The following ARHGEF9 variants were observed in gnomAD, a reference collection of about 807,000 sequenced individuals.
ARHGEF9 encodes Cdc42 guanine nucleotide exchange factor 9, also known as rho guanine nucleotide exchange factor 9.
In ARHGEF9, 2 loss-of-function variants were observed where a neutral mutation model predicts 41.3. The observed-to-expected ratio is 0.05, with a 90% confidence interval of 0.02 to 0.15. ARHGEF9 has a LOEUF of 0.15. Among genes scored for constraint, ARHGEF9 ranks in the 10% least tolerant of loss-of-function variants. ARHGEF9 has a pLI of 1.00. For synonymous variants in ARHGEF9, 160 were observed against 154.4 expected (o/e 1.04, Z -0.27); for missense variants, 225 against 424.7 (o/e 0.53, Z 4.13).
intron 4 of ARHGEF9, among the ~76,000 whole-genome samples, chrX:63,683,251 C>A (rs1556371586): frequency 9.1e-6 from 1 of 110,151 alleles, no homozygotes; most frequent in East Asian, 2.8e-4. Context: ...TTTATGATAC[C>A]ATCAAAAAGA....
In ARHGEF9 at chrX:63,635,169, CCCAG is replaced by C; in HGVS notation, c.*2855_*2858del. On this transcript the variant is annotated 3_prime_UTR_variant, in exon 10 of 10. Transcript: ENST00000671741. ...AAGTCACTGTTGCCCATCCATCCAC[CCCAG>C]CCCACCCCATCCCCAAAGCACTAAA... The C allele has an allele frequency of 2.5e-6, 1 of 394,604 alleles. No homozygotes were observed. 32.5% of individuals were successfully genotyped at this position (394,604 alleles called of 1,213,427 possible). A position where few individuals can be genotyped will look rare whatever the true frequency, so the allele number is the denominator to read the frequency against.
intron 1 of ARHGEF9, among the ~76,000 whole-genome samples, chrX:63,752,467 G>A (rs2055710560): frequency 8.9e-6 from 1 of 111,740 alleles, no homozygotes; most frequent in Non-Finnish European, 1.9e-5. Flanking sequence ...GCCCAGAAAA[G>A]ATATAAGCTT....
chrX:63,777,331 C>T (rs1309901677), intron 1 of ARHGEF9, among the ~76,000 whole-genome samples: 2 of 111,257 alleles, frequency 1.8e-5, no homozygotes, highest in Non-Finnish European at 3.8e-5. Flanking sequence ...GGTAACTGCC[C>T]GCATGACTCA....
intron 8 of ARHGEF9, among the ~76,000 whole-genome samples, chrX:63,651,190 T>C (rs1252563267): frequency 1.8e-5 from 2 of 111,381 alleles, no homozygotes; most frequent in African/African-American, 6.5e-5. Flanking sequence ...GGGCTTTCTA[T>C]GCCAGTTTTT....
At chrX:63,678,291 CAGAT>C (rs782811189) in intron 5 of ARHGEF9, 45 bp downstream of exon 5, 11 of 1,041,495 alleles carry the variant, frequency 1.1e-5, no homozygotes, top group Non-Finnish European at 1.1e-5. Flanking sequence ...TGAGAACCAA[CAGAT>C]AGAGGAAGTT....
chrX:63,731,652 C>T (rs1397596754), intron 1 of ARHGEF9, among the ~76,000 whole-genome samples: 3 of 107,536 alleles, frequency 2.8e-5, no homozygotes, highest in Non-Finnish European at 5.8e-5. Flanking sequence ...CTCCACCTCC[C>T]GGGTTCAAGT....
rs184945981 is a variant in ARHGEF9, at chrX:63,756,193, A to G, written c.30+28923T>C. ...TTATCTGAGAATTCAGTTAAACCTCAGAACACTCACCTCAGAAAAAAACAA... is the reference window on the plus strand; with the variant it reads ...TTATCTGAGAATTCAGTTAAACCTCGGAACACTCACCTCAGAAAAAAACAA... On this transcript the variant is annotated intron_variant, in intron 1 of 9. Transcript: ENST00000671741. Among the ~76,000 whole-genome samples, 666 of 112,109 alleles carry G rather than the reference A, an allele frequency of 5.9e-3. 3 individuals carry two copies. Among genetic ancestry groups the G allele is most frequent in the Non-Finnish European group, 6.7e-3 (355 of 53,231 alleles).
chrX:63,778,875 CT>C (rs2147825783), intron 1 of ARHGEF9, among the ~76,000 whole-genome samples: 1 of 112,327 alleles, frequency 8.9e-6, no homozygotes, highest in Non-Finnish European at 1.9e-5. Flanking sequence ...TCAGCCTGGA[CT>C]TTTTGGTCAA....
chrX:63,701,352 T>C (rs2052156176), intron 3 of ARHGEF9: 1 of 110,554 alleles, frequency 9.0e-6, no homozygotes, highest in African/African-American at 3.3e-5. Flanking sequence ...AGGGGTTTCA[T>C]ATGTCTTTTT....
intron 8 of ARHGEF9, among the ~76,000 whole-genome samples, chrX:63,645,199 A>C (rs2047936351): frequency 9.0e-6 from 1 of 111,306 alleles, no homozygotes; most frequent in Non-Finnish European, 1.9e-5. Context: ...ACTTTATTCA[A>C]AGGAAAATAT....
At chrX:63,646,014 G>A (rs1304568195) in intron 8 of ARHGEF9, among the ~76,000 whole-genome samples, 1 of 111,955 alleles carries the variant, frequency 8.9e-6, no homozygotes, top group African/African-American at 3.2e-5. Flanking sequence ...TCTTTTGGCT[G>A]CATAAATGTC....
intron 4 of ARHGEF9, among the ~76,000 whole-genome samples, chrX:63,684,358 A>G (rs1556373092): frequency 9.0e-6 from 1 of 111,451 alleles, no homozygotes; most frequent in South Asian, 3.8e-4. Flanking sequence ...TATCAAAAAG[A>G]TAAGACATAA....
intron 8 of ARHGEF9, among the ~76,000 whole-genome samples, chrX:63,644,500 AC>A (rs2047862413): frequency 9.0e-6 from 1 of 111,113 alleles, no homozygotes; most frequent in East Asian, 2.8e-4. Context: ...CAAATAAGTA[AC>A]AAAACACTCG....
chrX:63,778,905 C>T (rs1211751179), intron 1 of ARHGEF9, among the ~76,000 whole-genome samples: 2 of 112,268 alleles, frequency 1.8e-5, no homozygotes, highest in African/African-American at 3.2e-5. Flanking sequence ...AGTGGTTGAT[C>T]AGTGTCAATT....
At chrX:63,720,296 C>A (rs2053564092) in intron 2 of ARHGEF9, among the ~76,000 whole-genome samples, 1 of 111,805 alleles carries the variant, frequency 8.9e-6, no homozygotes, top group African/African-American at 3.3e-5. Flanking sequence ...GATAAAAGAA[C>A]AGAGACTTCA....
intron 8 of ARHGEF9, among the ~76,000 whole-genome samples, chrX:63,648,751 G>C (rs1361156292): frequency 9.0e-6 from 1 of 111,269 alleles, no homozygotes; most frequent in African/African-American, 3.3e-5. Context: ...AAGGGATGGA[G>C]GAAGATCTAC....
At chrX:63,674,839 C>T (rs782206666) in intron 5 of ARHGEF9, among the ~76,000 whole-genome samples, 1 of 111,507 alleles carries the variant, frequency 9.0e-6, no homozygotes, top group South Asian at 3.8e-4. Flanking sequence ...CTCTTTCTGG[C>T]TGCTTGTAGT....
intron 9 of ARHGEF9, chrX:63,639,367 G>T (rs782150686): frequency 8.9e-6 from 1 of 111,766 alleles, no homozygotes; most frequent in African/African-American, 3.3e-5. Context: ...TTACTAATTT[G>T]ATTTTTTTTA....
At chrX:63,776,615 C>T (rs782056503) in intron 1 of ARHGEF9, among the ~76,000 whole-genome samples, 1 of 111,772 alleles carries the variant, frequency 8.9e-6, no homozygotes, top group East Asian at 2.8e-4. Context: ...AGATTATCCC[C>T]AAGGTCATCC....
Sources: allele counts gnomAD v4.1 joint callset (sites outside exome capture counted in the v4.1 genomes callset), GRCh38; gene constraint gnomAD v4.1.1; transcripts MANE v1.5; gene names NCBI Gene and HGNC (gene_info 2026-07-23, HGNC 2026-07-21).